The following CREBBP variants were observed in gnomAD, a reference collection of about 807,000 sequenced individuals.
CREBBP encodes the protein CREB binding lysine acetyltransferase.
In CREBBP, 19 loss-of-function variants were observed where a neutral mutation model predicts 265.0. The ratio of observed to expected loss-of-function variants is 0.07; its 90% CI spans 0.05 to 0.11. CREBBP has a LOEUF of 0.11. CREBBP is among the 10% of genes least tolerant of loss of function. The pLI, the probability that CREBBP is intolerant of heterozygous loss-of-function variation, is 1.00. For synonymous variants in CREBBP, 1,457 were observed against 1,223.7 expected (o/e 1.19, Z -3.98); for missense variants, 2,525 against 3,219.0 (o/e 0.78, Z 5.22).
intron 1 of CREBBP, among the ~76,000 whole-genome samples, chr16:3,865,984 C>T (rs1938863227): frequency 6.6e-6 from 1 of 152,142 alleles, no homozygotes; most frequent in Non-Finnish European, 1.5e-5. Flanking sequence ...TATACTGGCC[C>T]AGGTGATTAA....
chr16:3,855,652 T>C (rs2054946120), intron 1 of CREBBP, among the ~76,000 whole-genome samples: 1 of 152,196 alleles, frequency 6.6e-6, no homozygotes, highest in Non-Finnish European at 1.5e-5. Context: ...ACAGGGCATG[T>C]CATTTTGAAG....
At chr16:3,738,469 A>C in intron 26 of CREBBP, 90 bp downstream of exon 26, 3 of 832,622 alleles carry the variant, frequency 3.6e-6, no homozygotes, top group Non-Finnish European at 2.0e-6. Context: ...AAAACGCATA[A>C]AACTTAAAAT....
In CREBBP at chr16:3,726,905, G is replaced by A. The variant is rs574655119; in HGVS notation, c.*813C>T. ...TTCTATACAGTGATTGAATCTTCTC[G>A]AGTTTCGTATTTATAGGAATTAGAG... On this transcript the variant is annotated 3_prime_UTR_variant, in exon 31 of 31. Transcript: ENST00000262367. The A allele has an allele frequency of 3.0e-5, 7 of 233,520 alleles. No individual in the cohort carries two copies. The highest frequency in any genetic ancestry group is 6.6e-5 in the African/African-American group (3 of 45,416). The allele number at this position is 233,520 out of a possible 1,614,324, so 14.5% of individuals were successfully genotyped here.
At chr16:3,789,243 A>G (rs1357394474) in intron 5 of CREBBP, among the ~76,000 whole-genome samples, 1 of 152,160 alleles carries the variant, frequency 6.6e-6, no homozygotes, top group Non-Finnish European at 1.5e-5. Context: ...AGAGTCCCTG[A>G]GGCTTCCAGG....
intron 2 of CREBBP, among the ~76,000 whole-genome samples, chr16:3,827,003 T>C (rs1442453372): frequency 2.6e-5 from 4 of 152,188 alleles, no homozygotes; most frequent in Non-Finnish European, 5.9e-5. Flanking sequence ...GTTCTCAACA[T>C]AGAGTCTACT....
chr16:3,863,775 G>A (rs1242565903), intron 1 of CREBBP, among the ~76,000 whole-genome samples: 2 of 152,156 alleles, frequency 1.3e-5, no homozygotes, highest in Admixed American at 6.6e-5. Flanking sequence ...TCCTCAACAT[G>A]GTTTGCGTGC....
At chr16:3,771,170 G>C (rs1200705868) in intron 13 of CREBBP, among the ~76,000 whole-genome samples, 184 bp from the exon 14 acceptor site, 1 of 152,106 alleles carries the variant, frequency 6.6e-6, no homozygotes, top group African/African-American at 2.4e-5. Context: ...CTGGGTTCAA[G>C]CAATTCTCCT....
chr16:3,830,448 AT>A (rs2141411568), intron 2 of CREBBP, among the ~76,000 whole-genome samples: 1 of 152,306 alleles, frequency 6.6e-6, no homozygotes, highest in South Asian at 2.1e-4. Flanking sequence ...AATGCTAATC[AT>A]AAGGAGTCTA....
At chr16:3,733,332 A>G (rs1046068841) in intron 28 of CREBBP, among the ~76,000 whole-genome samples, 42 of 147,648 alleles carry the variant, frequency 2.8e-4, no homozygotes, top group African/African-American at 1.1e-3. Flanking sequence ...ACTGCACTCC[A>G]GCCTGGGCGA....
intron 3 of CREBBP, among the ~76,000 whole-genome samples, chr16:3,808,156 AGG>A (rs550473319): frequency 3.4e-5 from 1 of 29,676 alleles, no homozygotes; most frequent in African/African-American, 1.2e-4. Flanking sequence ...GGATGAAAGA[AGG>A]GGGGGGCAGC....
chr16:3,838,004 C>A (rs753826606), intron 2 of CREBBP, among the ~76,000 whole-genome samples: 1 of 152,086 alleles, frequency 6.6e-6, no homozygotes, highest in Non-Finnish European at 1.5e-5. Context: ...CACACACACC[C>A]GCCCACCCCT....
intron 13 of CREBBP, chr16:3,773,506 C>CT: frequency 1.9e-6 from 1 of 532,624 alleles, no homozygotes; most frequent in East Asian, 3.2e-5. Flanking sequence ...CAAAAGCATA[C>CT]AAACCAAAAA....
chr16:3,750,016 T>C (rs2151369261), intron 20 of CREBBP, among the ~76,000 whole-genome samples: 1 of 152,268 alleles, frequency 6.6e-6, no homozygotes. Flanking sequence ...TCCTCCTGGG[T>C]AGCTGGGACT....
chr16:3,764,727 G>T (rs1403077662), intron 16 of CREBBP, among the ~76,000 whole-genome samples: 1 of 151,746 alleles, frequency 6.6e-6, no homozygotes, highest in African/African-American at 2.4e-5. Flanking sequence ...AGGACTACAG[G>T]CATGCACCAC....
chr16:3,826,936 G>A (rs2054248107), intron 2 of CREBBP, among the ~76,000 whole-genome samples: 1 of 152,142 alleles, frequency 6.6e-6, no homozygotes, highest in African/African-American at 2.4e-5. Flanking sequence ...TGGATGGTGG[G>A]GAGGAGATAA....
rs142482931 is a variant in CREBBP at position 3,737,023 on chromosome 16, T to G, written c.4395-208A>C. ...GCCTGCAAATTAGCCCTGCAACACT[T>G]CTCCCTTGGGGTGCACACACAGGGC... is the stretch of plus-strand genomic sequence containing the variant. On this transcript the variant is annotated intron_variant, in intron 26 of 30. Coordinates refer to ENST00000262367, the MANE Select transcript of CREBBP (RefSeq NM_004380.3). The G allele has an allele frequency of 6.3e-4, 409 of 644,618 alleles. 1 individual carries two copies. Among genetic ancestry groups the G allele is most frequent in the Middle Eastern group, 4.2e-3 (10 of 2,392 alleles). The allele number at this position is 644,618 out of a possible 1,614,324, so 39.9% of individuals were successfully genotyped here.
At chr16:3,837,625 T>A (rs1017396868) in intron 2 of CREBBP, among the ~76,000 whole-genome samples, 3 of 150,166 alleles carry the variant, frequency 2.0e-5, no homozygotes, top group Non-Finnish European at 4.4e-5. Flanking sequence ...AAAAAAATAA[T>A]AATAATAATA....
chr16:3,873,288 C>T (rs1480934074), intron 1 of CREBBP, among the ~76,000 whole-genome samples: 1 of 152,204 alleles, frequency 6.6e-6, no homozygotes, highest in African/African-American at 2.4e-5. Flanking sequence ...TCAGAACACA[C>T]ACCATTTAAG....
At position 3,770,406 on chromosome 16, in the gene CREBBP, G is replaced by A. The variant is rs9935985; in HGVS notation, c.2880+164C>T. The stretch of plus-strand genomic sequence containing the variant: ...AGACGAGGTCTCACTATGTTGCCCA[G>A]GATGGTCTTGAACTCATGGGCTCAA... On this transcript the variant is annotated intron_variant, in intron 14 of 30. Transcript: ENST00000262367. Among the ~76,000 whole-genome samples, 712 of 151,954 alleles carry A rather than the reference G, an allele frequency of 4.7e-3. 8 individuals carry two copies. The highest frequency in any genetic ancestry group is 0.016 in the African/African-American group (670 of 41,406).
Sources: gnomAD v4.1 joint callset for allele counts (sites outside exome capture counted in the v4.1 genomes callset) on GRCh38, gnomAD v4.1.1 for gene constraint, MANE v1.5 for transcripts, NCBI Gene and HGNC (gene_info 2026-07-23, HGNC 2026-07-21) for gene names.